The following NPHP4 variants were observed in gnomAD, a reference collection of about 807,000 sequenced individuals.
The protein encoded by NPHP4 is nephrocystin-4.
In NPHP4, 151 loss-of-function variants were observed where a neutral mutation model predicts 155.8. The observed-to-expected ratio is 0.97, with a 90% CI of 0.85 to 1.11. The LOEUF (loss-of-function observed/expected upper bound fraction) is 1.11. Among genes scored for constraint, NPHP4 ranks in the 50% least tolerant of loss-of-function variants. The pLI is 0.00. For synonymous variants in NPHP4, 845 were observed against 816.8 expected (o/e 1.03, Z -0.59); for missense variants, 1,956 against 1,925.7 (o/e 1.02, Z -0.29).
intron 10 of NPHP4, 67 bp from the exon 11 acceptor site, chr1:5,927,854 C>T (rs1646090592): frequency 6.6e-7 from 1 of 1,511,964 alleles, no homozygotes; most frequent in Middle Eastern, 1.9e-4. Flanking sequence ...AACGATCCAA[C>T]CAGGAACAGC....
At chr1:5,948,442 T>C (rs901371732) in intron 7 of NPHP4, among the ~76,000 whole-genome samples, 191 bp from the exon 8 acceptor site, 3 of 152,212 alleles carry the variant, frequency 2.0e-5, no homozygotes, top group African/African-American at 7.2e-5. Context: ...CCACTGGCCT[T>C]GGGGCACTGC....
chr1:5,948,927 T>C (rs1286335684), intron 7 of NPHP4, among the ~76,000 whole-genome samples: 1 of 152,248 alleles, frequency 6.6e-6, no homozygotes, highest in Non-Finnish European at 1.5e-5. Flanking sequence ...TAGTGTTTAT[T>C]AAATTATGTG....
intron 20 of NPHP4, among the ~76,000 whole-genome samples, 180 bp from the exon 21 acceptor site, chr1:5,875,280 T>C (rs1642468232): frequency 6.6e-6 from 1 of 152,150 alleles, no homozygotes; most frequent in Non-Finnish European, 1.5e-5. Context: ...CGCCCAGGCA[T>C]GGATCTCAGG....
At chr1:5,949,629 A>C (rs541635413) in intron 7 of NPHP4, among the ~76,000 whole-genome samples, 159 of 152,062 alleles carry the variant, frequency 1.0e-3, no homozygotes, top group African/African-American at 3.7e-3. Flanking sequence ...AGGGCGGGGA[A>C]CAGCACCCCC....
In NPHP4 at chr1:5,890,202, C is replaced by T. The variant is rs973546767; in HGVS notation, c.2304+666G>A. Reference sequence around the variant, plus strand: ...AGAGACTCAGGGGCTGCAATAATGACGCCACATCCTCTCCCAGCTCCGTCC... The same window carrying T: ...AGAGACTCAGGGGCTGCAATAATGATGCCACATCCTCTCCCAGCTCCGTCC... On this transcript the variant is annotated intron_variant, in intron 17 of 29. Coordinates refer to ENST00000378156, the MANE Select transcript of NPHP4 (RefSeq NM_015102.5). This position sits in a 1 kb window ranked among gnomAD's most constrained non-coding sequence, Gnocchi z 4.9. 4.6e-5 allele frequency among the ~76,000 whole-genome samples: 7 copies of T among 152,230 alleles called. No individual in the cohort carries two copies. Among genetic ancestry groups the T allele is most frequent in the South Asian group, 2.1e-4 (1 of 4,824 alleles).
In NPHP4 at chr1:5,947,074, G is replaced by A. The variant is rs533934437; in HGVS notation, c.1119+30C>T. ...CTCACACACAGAGTTCACCACCAGA[G>A]GAAACCGAGTGCAAAAGGGCTGTTC... On this transcript the variant is annotated intron_variant, in intron 9 of 29. Coordinates refer to ENST00000378156, the MANE Select transcript of NPHP4 (RefSeq NM_015102.5). 12 of 1,613,470 alleles carry A rather than the reference G, an allele frequency of 7.4e-6. No homozygotes were observed. In the East Asian group the frequency reaches 2.5e-4, roughly 33 times the overall value.
intron 18 of NPHP4, among the ~76,000 whole-genome samples, chr1:5,884,017 G>C (rs1394493530): frequency 6.6e-6 from 1 of 152,104 alleles, no homozygotes; most frequent in East Asian, 1.9e-4. Flanking sequence ...TTCTACTTAG[G>C]GCACATGGGA....
At chr1:5,877,059 A>T in intron 20 of NPHP4, 34 bp downstream of exon 20, 1 of 1,344,488 alleles carries the variant, frequency 7.4e-7, no homozygotes, top group South Asian at 2.1e-5. Flanking sequence ...CTGCATGGAG[A>T]TCCCAGGACA....
chr1:5,901,243 G>A lies in NPHP4; in HGVS notation c.2143+3374C>T, dbSNP rs114952220. On this transcript the variant is annotated intron_variant, in intron 16 of 29. Coordinates refer to ENST00000378156, the MANE Select transcript of NPHP4 (RefSeq NM_015102.5). Reference sequence around the variant, plus strand: ...CATGCACTGGCAATCTGTCTTTACCGTACGCATGTTACAGTTCAACAACAA... The same window carrying A: ...CATGCACTGGCAATCTGTCTTTACCATACGCATGTTACAGTTCAACAACAA... Among the ~76,000 whole-genome samples the A allele has an allele frequency of 5.3e-3, 801 of 152,170 alleles. 6 individuals carry two copies. Among genetic ancestry groups the A allele is most frequent in the African/African-American group, 0.017 (725 of 41,476 alleles).
intron 11 of NPHP4, among the ~76,000 whole-genome samples, chr1:5,915,322 C>A (rs1163834885): frequency 1.2e-4 from 19 of 152,284 alleles, no homozygotes; most frequent in South Asian, 2.1e-4. Flanking sequence ...AAGATGCAGT[C>A]TCTGGGGTTT....
chr1:5,900,939 G>A (rs886181398), intron 16 of NPHP4, among the ~76,000 whole-genome samples: 4 of 152,084 alleles, frequency 2.6e-5, no homozygotes, highest in African/African-American at 9.7e-5. Context: ...GGGGGCTAAG[G>A]TGGGAGGATT....
chr1:5,871,280 T>C (rs1221688509), intron 23 of NPHP4, among the ~76,000 whole-genome samples: 1 of 152,078 alleles, frequency 6.6e-6, no homozygotes, highest in Non-Finnish European at 1.5e-5. Flanking sequence ...GGAGTTAACT[T>C]GAAAAGGATG....
At chr1:5,955,889 G>C (rs34444818) in intron 6 of NPHP4, among the ~76,000 whole-genome samples, 27,623 of 152,082 alleles carry the variant, frequency 0.18, 2,565 homozygotes, top group African/African-American at 0.23. Context: ...AGCGGCTTCT[G>C]AATGTCCTGA....
At chr1:5,913,061 G>T (rs1645269058) in intron 11 of NPHP4, among the ~76,000 whole-genome samples, 1 of 149,984 alleles carries the variant, frequency 6.7e-6, no homozygotes, top group Non-Finnish European at 1.5e-5. Flanking sequence ...TGAGGCAGAA[G>T]AATTGCTTGA....
At chr1:5,938,472 C>A (rs190656081) in intron 9 of NPHP4, among the ~76,000 whole-genome samples, 4 of 152,300 alleles carry the variant, frequency 2.6e-5, no homozygotes, top group African/African-American at 9.6e-5. Flanking sequence ...CTACTCAGTC[C>A]TCAAATCGGA....
At chr1:5,869,151 T>G (rs1197921553) in intron 23 of NPHP4, among the ~76,000 whole-genome samples, 1 of 122,666 alleles carries the variant, frequency 8.2e-6, no homozygotes, top group Non-Finnish European at 1.7e-5. Flanking sequence ...CGCCCACACA[T>G]GCACACACAC....
chr1:5,903,593 A>G (rs1318102907), intron 16 of NPHP4, among the ~76,000 whole-genome samples: 1 of 152,196 alleles, frequency 6.6e-6, no homozygotes, highest in East Asian at 1.9e-4. Flanking sequence ...ATTCGTTTAC[A>G]ATGATACCCG....
chr1:5,917,647 G>A (rs765875568), intron 11 of NPHP4, among the ~76,000 whole-genome samples: 4 of 152,034 alleles, frequency 2.6e-5, no homozygotes, highest in Non-Finnish European at 4.4e-5. Flanking sequence ...GTTTTACTGT[G>A]GGCCAGGACT....
rs116382749 is a variant in NPHP4, at chr1:5,982,125, T to C, written c.136-3712A>G. Among the ~76,000 whole-genome samples the C allele has an allele frequency of 7.2e-3, 1,100 of 152,274 alleles. 17 individuals carry two copies. The highest frequency in any genetic ancestry group is 0.025 in the African/African-American group (1,048 of 41,566). On this transcript the variant is annotated intron_variant, in intron 2 of 29. Transcript: ENST00000378156. ...GTGTTTTCTTTTTTTTTTGTCTTGATCAATTTTATCAATCTTTTCAGAGAA... is the reference window on the plus strand; with the variant it reads ...GTGTTTTCTTTTTTTTTTGTCTTGACCAATTTTATCAATCTTTTCAGAGAA...
Sources: allele counts gnomAD v4.1 joint callset (sites outside exome capture counted in the v4.1 genomes callset), GRCh38; gene constraint gnomAD v4.1.1; non-coding constraint Gnocchi (gnomAD v3.1); transcripts MANE v1.5; gene names NCBI Gene and HGNC (gene_info 2026-07-23, HGNC 2026-07-21).